Variants in RUVBL1 observed in about 807,000 individuals in gnomAD.
RUVBL1 encodes the protein ruvB-like 1.
RUVBL1 carries 4 observed loss-of-function variants against 52.4 expected under a neutral mutation model. The ratio of observed to expected loss-of-function variants is 0.08; its 90% CI spans 0.04 to 0.17. The LOEUF is 0.17. Among genes scored for constraint, RUVBL1 ranks in the 10% least tolerant of loss-of-function variants. The pLI, the probability that RUVBL1 is intolerant of heterozygous loss-of-function variation, is 1.00. For missense variants in RUVBL1, 298 were observed against 572.8 expected (o/e 0.52, Z 4.90); for synonymous variants, 217 against 214.4 (o/e 1.01, Z -0.10).
chr3:128,121,404 A>C (rs931661201), intron 1 of RUVBL1, among the ~76,000 whole-genome samples: 1 of 150,850 alleles, frequency 6.6e-6, no homozygotes, highest in African/African-American at 2.4e-5. Flanking sequence ...CCCAGATGCT[A>C]TATTTCTAAA....
At chr3:128,080,338 C>G (rs377636343), downstream of RUVBL1, among the ~76,000 whole-genome samples, 35 of 152,340 alleles carry the variant, frequency 2.3e-4, no homozygotes, top group East Asian at 1.2e-3. Context: ...ACTCAGTTCT[C>G]TAGAGGTGAG....
At chr3:128,122,773 T>C (rs374862239) in intron 1 of RUVBL1, among the ~76,000 whole-genome samples, 42 of 152,346 alleles carry the variant, frequency 2.8e-4, no homozygotes, top group East Asian at 2.1e-3. Context: ...TGTATCATCA[T>C]AGAGCACTGA....
chr3:128,100,679 C>T lies in RUVBL1; in HGVS notation c.669G>A (p.Leu223=). 1 of 1,613,894 alleles carries T rather than the reference C, an allele frequency of 6.2e-7. No individual in the cohort carries two copies. Among genetic ancestry groups the T allele is most frequent in the Middle Eastern group, 1.6e-4 (1 of 6,062 alleles). ...FDLEAEEYVP[L]PKGDVHKKKE... ...TCTTTTTGTGCACATCCCCTTTTGG[C>T]AAGGGGACATACTCTTCAGCTTCAA... is the stretch of plus-strand genomic sequence containing the variant. The change falls in exon 6 of 11, where the codon TTG becomes TTA. Residue 223 remains leucine, a synonymous_variant. Coordinates refer to ENST00000322623, the MANE Select transcript of RUVBL1 (RefSeq NM_003707.3).
intron 3 of RUVBL1, 110 bp from the exon 4 acceptor site, chr3:128,105,034 C>G: frequency 8.3e-7 from 1 of 1,207,516 alleles, no homozygotes; most frequent in Non-Finnish European, 1.1e-6. Flanking sequence ...TAATAATGTA[C>G]ATTCCAGGGT....
chr3:128,078,763 A>G (rs1344308324), downstream of RUVBL1: 1 of 152,246 alleles, frequency 6.6e-6, no homozygotes, highest in Non-Finnish European at 1.5e-5. Context: ...TTAGTAATGG[A>G]TGGAGAAACT....
chr3:128,149,702 A>G (rs1012672290), intron 1 of RUVBL1, among the ~76,000 whole-genome samples: 2 of 152,146 alleles, frequency 1.3e-5, no homozygotes, highest in African/African-American at 4.8e-5. Flanking sequence ...GTGAGTCTCA[A>G]TGGTTTCTCT....
chr3:128,097,534 C>G, intron 7 of RUVBL1, 36 bp from the exon 8 acceptor site: 1 of 1,589,898 alleles, frequency 6.3e-7, no homozygotes, highest in Non-Finnish European at 8.6e-7. Flanking sequence ...AAGGTCAGCA[C>G]AGGGCTGGGG....
At chr3:128,098,633 C>T (rs1943040170) in intron 7 of RUVBL1, among the ~76,000 whole-genome samples, 1 of 152,206 alleles carries the variant, frequency 6.6e-6, no homozygotes, top group Non-Finnish European at 1.5e-5. Context: ...CGACACAAAT[C>T]CCTATTTCTG....
intron 6 of RUVBL1, among the ~76,000 whole-genome samples, chr3:128,099,686 G>T (rs753752517): frequency 3.4e-4 from 52 of 152,164 alleles, no homozygotes; most frequent in South Asian, 6.2e-4. Context: ...TGGTTACCAG[G>T]CCCTGAGACA....
chr3:128,115,851 C>T (rs901267183), intron 2 of RUVBL1, among the ~76,000 whole-genome samples: 3 of 152,292 alleles, frequency 2.0e-5, no homozygotes, highest in African/African-American at 7.2e-5. Flanking sequence ...CGGGACTGGG[C>T]ACGGTGGCTC....
intron 6 of RUVBL1, among the ~76,000 whole-genome samples, chr3:128,100,264 G>C (rs1166750032): frequency 3.9e-5 from 6 of 152,152 alleles, no homozygotes; most frequent in African/African-American, 1.4e-4. Flanking sequence ...AGGGCTCATA[G>C]AACACTCCTG....
chr3:128,069,804 G>A (rs550872666), intron 9 of RUVBL1: 35 of 760,632 alleles, frequency 4.6e-5, no homozygotes, highest in Non-Finnish European at 2.3e-5. Context: ...TGTGTAAAGT[G>A]CTAGACATTT....
upstream of RUVBL1, chr3:128,123,982 C>T (rs1943724266): frequency 3.3e-6 from 3 of 922,268 alleles, no homozygotes; most frequent in Admixed American, 6.2e-5. Context: ...GCGCTTCCTG[C>T]CGAGGCTGGG....
At chr3:128,103,678 G>A (rs961203307) in intron 4 of RUVBL1, among the ~76,000 whole-genome samples, 2 of 152,228 alleles carry the variant, frequency 1.3e-5, no homozygotes, top group African/African-American at 2.4e-5. Flanking sequence ...TTAGGACTCA[G>A]AGGGTCAGCT....
rs1462065116 is a variant in RUVBL1 at position 128,081,206 on chromosome 3, A to G, written c.*44T>C. 3 of 1,588,378 alleles carry G rather than the reference A, an allele frequency of 1.9e-6. No homozygotes were observed. The African/African-American group carries it at 4.0e-5, about 21-fold the overall frequency. Reference sequence around the variant, plus strand: ...AGCGCCCACAGGCTGGACCCAGGCCAGGCACACCTGGGGAGTCTCTTACTG... The same window carrying G: ...AGCGCCCACAGGCTGGACCCAGGCCGGGCACACCTGGGGAGTCTCTTACTG... On this transcript the variant is annotated 3_prime_UTR_variant, in exon 11 of 11. Transcript: ENST00000322623. The surrounding 1 kb of genome is among the most constrained non-coding windows in gnomAD (Gnocchi z 4.8).
At chr3:128,150,344 A>C (rs1253023391) in intron 1 of RUVBL1, among the ~76,000 whole-genome samples, 1 of 151,598 alleles carries the variant, frequency 6.6e-6, no homozygotes, top group Admixed American at 6.6e-5. Flanking sequence ...TATACATGGA[A>C]TATATATATA....
At chr3:128,072,324 G>A (rs1395257927) in intron 9 of RUVBL1, among the ~76,000 whole-genome samples, 1 of 152,250 alleles carries the variant, frequency 6.6e-6, no homozygotes, top group Non-Finnish European at 1.5e-5. Flanking sequence ...AACTTGAGGG[G>A]CAGGTGGGTG....
At chr3:128,149,602 G>A (rs550444830) in intron 1 of RUVBL1, among the ~76,000 whole-genome samples, 1 of 152,326 alleles carries the variant, frequency 6.6e-6, no homozygotes, top group African/African-American at 2.4e-5. Flanking sequence ...ACTAGAACAT[G>A]CCTTTTCATG....
intron 9 of RUVBL1, chr3:128,070,764 C>T (rs957837705): frequency 6.6e-6 from 1 of 151,838 alleles, no homozygotes; most frequent in Non-Finnish European, 1.5e-5. Flanking sequence ...ATCAGTTGCT[C>T]CAGTGTTTGA....
Sources: gnomAD v4.1 joint callset for allele counts (sites outside exome capture counted in the v4.1 genomes callset) on GRCh38, gnomAD v4.1.1 for gene constraint, Gnocchi (gnomAD v3.1) non-coding constraint, MANE v1.5 for transcripts, NCBI Gene and HGNC (gene_info 2026-07-23, HGNC 2026-07-21) for gene names.